The following GPC3 variants were observed in gnomAD, a reference collection of about 807,000 sequenced individuals.
GPC3 encodes the protein glypican-3.
Under a neutral mutation model 34.4 loss-of-function variants are expected in GPC3, and 3 were observed. The ratio of observed to expected loss-of-function variants is 0.09; its 90% CI spans 0.04 to 0.23. The LOEUF (loss-of-function observed/expected upper bound fraction) is 0.23, where lower values mean the gene tolerates loss of function less well. GPC3 is among the 10% of genes least tolerant of loss of function. The pLI, the probability that GPC3 is intolerant of heterozygous loss-of-function variation, is 1.00. For missense variants in GPC3, 351 were observed against 445.6 expected, an observed-to-expected ratio of 0.79 and a Z score of 1.91; for synonymous variants, 177 against 174.0, an observed-to-expected ratio of 1.02 and a Z score of -0.13.
chrX:133,892,657 C>T (rs751486769), intron 2 of GPC3, among the ~76,000 whole-genome samples: 14 of 109,963 alleles, frequency 1.3e-4, no homozygotes, highest in African/African-American at 3.6e-4. Context: ...GTGACACCCT[C>T]AAGTCACTCC....
intron 2 of GPC3, among the ~76,000 whole-genome samples, chrX:133,777,739 C>G (rs1201260951): frequency 9.0e-6 from 1 of 111,343 alleles, no homozygotes; most frequent in African/African-American, 3.3e-5. Flanking sequence ...TTAGGCCCTA[C>G]CATAGAACTG....
intron 7 of GPC3, among the ~76,000 whole-genome samples, chrX:133,548,620 G>T (rs1221939416): frequency 9.0e-6 from 1 of 111,345 alleles, no homozygotes; most frequent in East Asian, 2.8e-4. Context: ...ATTCCATTTG[G>T]ATTTGTTCTT....
intron 2 of GPC3, among the ~76,000 whole-genome samples, chrX:133,934,501 T>C (rs1318326999): frequency 9.4e-6 from 1 of 106,335 alleles, no homozygotes; most frequent in Non-Finnish European, 1.9e-5. Context: ...AGCCAAACTT[T>C]ATTTATATAT....
At chrX:133,863,696 C>T (rs951586133) in intron 2 of GPC3, among the ~76,000 whole-genome samples, 5 of 87,856 alleles carry the variant, frequency 5.7e-5, no homozygotes, top group African/African-American at 1.0e-4. Flanking sequence ...TCGCCCAGGT[C>T]GGACTGCGGA....
At chrX:133,688,695 T>A (rs2124427515) in intron 5 of GPC3, among the ~76,000 whole-genome samples, 1 of 111,357 alleles carries the variant, frequency 9.0e-6, no homozygotes, top group East Asian at 2.8e-4. Flanking sequence ...AAGTAAAATT[T>A]TTCACAGGCA....
At chrX:133,687,101 T>TTTTTA (rs1206711128) in intron 5 of GPC3, among the ~76,000 whole-genome samples, 2 of 94,921 alleles carry the variant, frequency 2.1e-5, no homozygotes, top group African/African-American at 8.3e-5. Context: ...AATTTTTTTT[T>TTTTTA]TTTTTTTTTT....
At chrX:133,705,196 C>T (rs956729534) in intron 3 of GPC3, among the ~76,000 whole-genome samples, 2 of 111,591 alleles carry the variant, frequency 1.8e-5, no homozygotes, top group Non-Finnish European at 3.8e-5. Context: ...GCAGGTATTA[C>T]TTATTTATTT....
intron 7 of GPC3, among the ~76,000 whole-genome samples, chrX:133,556,438 G>A (rs1041283413): frequency 1.8e-5 from 2 of 111,016 alleles, no homozygotes; most frequent in African/African-American, 6.6e-5. Flanking sequence ...TCTCATTACT[G>A]CAAGGAATTT....
chrX:133,816,367 T>C (rs2075691640), intron 2 of GPC3, among the ~76,000 whole-genome samples: 1 of 112,112 alleles, frequency 8.9e-6, no homozygotes, highest in Non-Finnish European at 1.9e-5. Flanking sequence ...ATATTGCTCT[T>C]TTTTTGAAGC....
At position 133,540,955 on chromosome X, in the gene GPC3, T is replaced by TGTGC. The variant is rs1422253850; in HGVS notation, c.1574-4663_1574-4662insGCAC. On this transcript the variant is annotated intron_variant, in intron 7 of 7. Transcript: ENST00000370818. ...GTGTGTGTGTGTGTGTGTGTGTGTG[T>TGTGC]GCGCGCACTGTGGGGGAAGAGGTGG... 5.5e-3 allele frequency among the ~76,000 whole-genome samples: 543 copies of TGTGC among 97,892 alleles called. 10 individuals carry two copies. The highest frequency in any genetic ancestry group is 0.02 in the African/African-American group (523 of 26,115). The allele number at this position is 97,892 out of a possible 115,157, so 85.0% of individuals were successfully genotyped here. A position where few individuals can be genotyped will look rare whatever the true frequency, so the allele number is the denominator to read the frequency against.
intron 6 of GPC3, among the ~76,000 whole-genome samples, chrX:133,645,831 G>A (rs2070537772): frequency 9.0e-6 from 1 of 110,619 alleles, no homozygotes. Flanking sequence ...TTATGTGGAA[G>A]ATGAGAGTGG....
At chrX:133,851,721 T>C (rs1210171551) in intron 2 of GPC3, among the ~76,000 whole-genome samples, 1 of 112,234 alleles carries the variant, frequency 8.9e-6, no homozygotes, top group Non-Finnish European at 1.9e-5. Flanking sequence ...CAGCTATACA[T>C]TTTCATATTC....
At chrX:133,950,897 G>T (rs891924911) in intron 2 of GPC3, among the ~76,000 whole-genome samples, 6 of 110,885 alleles carry the variant, frequency 5.4e-5, no homozygotes, top group African/African-American at 2.0e-4. Context: ...GGCAGGAAAA[G>T]AATGAGAAGA....
At chrX:133,695,003 T>C (rs749116310) in intron 4 of GPC3, among the ~76,000 whole-genome samples, 1 of 111,581 alleles carries the variant, frequency 9.0e-6, no homozygotes, top group African/African-American at 3.3e-5. Flanking sequence ...TAGTCTGTTC[T>C]CACATCACTA....
chrX:133,703,545 C>T (rs1325723924), intron 3 of GPC3, among the ~76,000 whole-genome samples: 1 of 107,944 alleles, frequency 9.3e-6, no homozygotes, highest in Non-Finnish European at 1.9e-5. Flanking sequence ...ACTGCAAGCT[C>T]TGCCTCCTGG....
intron 6 of GPC3, among the ~76,000 whole-genome samples, chrX:133,659,064 T>C (rs1459937462): frequency 2.7e-5 from 3 of 112,383 alleles, no homozygotes; most frequent in Non-Finnish European, 5.6e-5. Context: ...ATATATTAAG[T>C]GCCTGTCATG....
At chrX:133,844,385 G>A (rs2075838680) in intron 2 of GPC3, among the ~76,000 whole-genome samples, 1 of 111,646 alleles carries the variant, frequency 9.0e-6, no homozygotes, top group African/African-American at 3.3e-5. Flanking sequence ...TGATCACACT[G>A]TACACTTTAA....
chrX:133,681,567 T>C (rs761793113), intron 5 of GPC3, among the ~76,000 whole-genome samples: 2 of 112,217 alleles, frequency 1.8e-5, no homozygotes, highest in Non-Finnish European at 3.8e-5. Flanking sequence ...ACTGTGCCAG[T>C]AGCAGCAAAG....
At chrX:133,928,764 C>A (rs185280895) in intron 2 of GPC3, among the ~76,000 whole-genome samples, 2 of 111,721 alleles carry the variant, frequency 1.8e-5, no homozygotes, top group Admixed American at 1.9e-4. Flanking sequence ...AGTCCTTTGC[C>A]CATTTTTAAA....
Sources: gnomAD v4.1 joint callset for allele counts (sites outside exome capture counted in the v4.1 genomes callset) on GRCh38, gnomAD v4.1.1 for gene constraint, MANE v1.5 for transcripts, NCBI Gene and HGNC (gene_info 2026-07-23, HGNC 2026-07-21) for gene names.